Variants in C4orf50 observed in about 807,000 individuals in gnomAD.
C4orf50 encodes the protein uncharacterized protein C4orf50.
C4orf50 carries 80 observed loss-of-function variants against 77.2 expected under a neutral mutation model. That is an observed-to-expected ratio of 1.04 (90% CI 0.87 to 1.25). The LOEUF (loss-of-function observed/expected upper bound fraction) is 1.25. Ranked by LOEUF, C4orf50 falls within the 50% of genes most tolerant of loss-of-function variation. The probability of loss-of-function intolerance (pLI) is 0.00; values close to 1 mark genes in which losing one functional copy is unlikely to be tolerated. For synonymous variants in C4orf50, 532 were observed against 465.3 expected, an observed-to-expected ratio of 1.14 and a Z score of -1.84; for missense variants, 1,257 against 1,152.9, an observed-to-expected ratio of 1.09 and a Z score of -1.31.
At position 5,967,480 on chromosome 4, in the gene C4orf50, T is replaced by C; in HGVS notation, c.4105-18A>G. The C allele has an allele frequency of 6.2e-7, 1 of 1,612,662 alleles. No homozygotes were observed. The highest frequency in any genetic ancestry group is 8.5e-7 in the Non-Finnish European group (1 of 1,178,690). On this transcript the variant is annotated intron_variant, in intron 31 of 33. Coordinates refer to ENST00000531445, the Ensembl canonical transcript of C4orf50. ...TGGCTTGTCTGCAAGAAAAGACATC[T>C]TGGCGGTTATTCTGCATGGCACTGG... is the stretch of plus-strand genomic sequence containing the variant.
At chr4:5,986,479 T>C (rs1560583134) in intron 28 of C4orf50, among the ~76,000 whole-genome samples, 1 of 152,070 alleles carries the variant, frequency 6.6e-6, no homozygotes, top group Non-Finnish European at 1.5e-5. Flanking sequence ...TTGTTTTTAT[T>C]TCATCCTTTT....
At chr4:5,994,544 C>G (rs1721473318) in intron 25 of C4orf50, 68 bp from the exon 4 acceptor site, 3 of 398,624 alleles carry the variant, frequency 7.5e-6, no homozygotes. Flanking sequence ...CAAGCCCATC[C>G]CCAGGGGCCC....
intron 7 of C4orf50, among the ~76,000 whole-genome samples, chr4:5,920,361 G>C (rs1286157962): frequency 6.6e-6 from 1 of 152,134 alleles, no homozygotes; most frequent in Non-Finnish European, 1.5e-5. Context: ...GATGAAGTGA[G>C]TTGAGGTGTG....
chr4:5,945,531 TA>T (rs1293910197), intron 7 of C4orf50, among the ~76,000 whole-genome samples: 1 of 152,154 alleles, frequency 6.6e-6, no homozygotes, highest in Non-Finnish European at 1.5e-5. Flanking sequence ...ACATGGGATC[TA>T]ACAAGCAAAA....
Position 6,008,062 on chromosome 4 carries a change from G to A in C4orf50, c.897C>T (p.Leu299=). 1 of 399,260 alleles carries A rather than the reference G, an allele frequency of 2.5e-6. No individual in the cohort carries two copies. 24.7% of individuals were successfully genotyped at this position (399,260 alleles called of 1,614,324 possible). Residue 299 remains leucine (L), a synonymous_variant, in exon 25 of 34, where the codon CTC becomes CTT. Transcript: ENST00000531445. The surrounding 1 kb of genome is among the most constrained non-coding windows in gnomAD (Gnocchi z 6.0). The stretch of plus-strand genomic sequence containing the variant: ...CTCGCAGGCACTGGTTTTGCTGGGC[G>A]AGGTCCTCCACCTGGCCCTGCAGGC...
At chr4:5,971,345 C>G (rs2108772994) in intron 31 of C4orf50, among the ~76,000 whole-genome samples, 1 of 152,354 alleles carries the variant, frequency 6.6e-6, no homozygotes, top group Middle Eastern at 3.4e-3. Flanking sequence ...CTGCTGTCCA[C>G]TAGGAATCAA....
At chr4:5,951,366 G>T (rs1275083918) in intron 7 of C4orf50, among the ~76,000 whole-genome samples, 5 of 152,124 alleles carry the variant, frequency 3.3e-5, no homozygotes, top group African/African-American at 1.2e-4. Flanking sequence ...TGATTGTGAA[G>T]CAAGAGACAC....
chr4:5,951,780 C>T (rs1718734938), intron 7 of C4orf50, among the ~76,000 whole-genome samples: 1 of 152,158 alleles, frequency 6.6e-6, no homozygotes, highest in African/African-American at 2.4e-5. Flanking sequence ...CGTTCGCTCT[C>T]CGTCCGACCT....
rs114005127 is a variant in C4orf50, at chr4:5,975,953, A to G, written c.3867T>C (p.Leu1289=). The change falls in exon 30 of 34, where the codon CTT becomes CTC. Residue 1289 remains leucine (L), a splice_region_variant and synonymous_variant. Transcript: ENST00000531445. ...CATGTTGCTTTTTCTGAAGTTCTTC[A>G]AGCTGAAATAAAAGCGACATTTTTG... 188 of 1,613,682 alleles carry G rather than the reference A, an allele frequency of 1.2e-4. No homozygotes were observed. In the African/African-American group the frequency reaches 2.4e-3, roughly 20 times the overall value.
At chr4:5,994,580 T>C in intron 25 of C4orf50, 104 bp from the exon 4 acceptor site, 1 of 397,576 alleles carries the variant, frequency 2.5e-6, no homozygotes, top group Admixed American at 4.4e-5. Context: ...CTTGAGTCTC[T>C]TCCACAGGTG....
intron 7 of C4orf50, among the ~76,000 whole-genome samples, chr4:5,921,438 C>T (rs1314071091): frequency 6.6e-6 from 1 of 152,120 alleles, no homozygotes; most frequent in Non-Finnish European, 1.5e-5. Context: ...GACGGTGGCA[C>T]ATGTTATGTG....
In C4orf50 at chr4:6,008,256, C is replaced by T. The variant is rs1050188916; in HGVS notation, c.703G>A (p.Glu235Lys). ...AGGGCGCGCAGTTCCGCAGCCGCCT[C>T]GGTGGCGCCCTGGGAGCCTGGGGCC... Residue 235 changes from glutamate to lysine, a missense_variant, in exon 25 of 34, where the codon GAG becomes AAG. Coordinates refer to ENST00000531445, the Ensembl canonical transcript of C4orf50. The surrounding 1 kb of genome is among the most constrained non-coding windows in gnomAD (Gnocchi z 6.0). 2 of 393,968 alleles carry T rather than the reference C, an allele frequency of 5.1e-6. No homozygotes were observed. The highest frequency in any genetic ancestry group is 3.6e-5 in the East Asian group (1 of 27,728). 24.4% of individuals were successfully genotyped at this position (393,968 alleles called of 1,614,324 possible). A position where few individuals can be genotyped will look rare whatever the true frequency, so the allele number is the denominator to read the frequency against.
At chr4:6,014,159 C>T (rs1036144332) in intron 23 of C4orf50, among the ~76,000 whole-genome samples, 44 of 152,086 alleles carry the variant, frequency 2.9e-4, no homozygotes, top group African/African-American at 9.9e-4. Context: ...TGTGCCACCA[C>T]GCCTGGCTAA....
chr4:5,915,855 G>T (rs1441381467), intron 7 of C4orf50, among the ~76,000 whole-genome samples: 1 of 152,190 alleles, frequency 6.6e-6, no homozygotes, highest in East Asian at 1.9e-4. Context: ...GCTCAATCCA[G>T]GTTACTTCCC....
chr4:5,952,845 G>C (rs535551026), downstream of C4orf50, among the ~76,000 whole-genome samples: 4 of 152,146 alleles, frequency 2.6e-5, no homozygotes, highest in East Asian at 5.8e-4. The surrounding 1 kb of genome is among the most constrained non-coding windows in gnomAD (Gnocchi z 4.4). Context: ...CTCCAAGAAC[G>C]ACTCGTTTTG....
At chr4:5,954,597 C>T (rs545178073), downstream of C4orf50, among the ~76,000 whole-genome samples, 49 of 152,208 alleles carry the variant, frequency 3.2e-4, no homozygotes, top group African/African-American at 1.2e-3. This position sits in a 1 kb window ranked among gnomAD's most constrained non-coding sequence, Gnocchi z 4.7. Flanking sequence ...CGGCAGGCAG[C>T]GCATGGAGAG....
intron 7 of C4orf50, among the ~76,000 whole-genome samples, chr4:5,938,336 C>T (rs911354038): frequency 6.6e-6 from 1 of 152,080 alleles, no homozygotes; most frequent in Non-Finnish European, 1.5e-5. Context: ...ATCAAAGGGA[C>T]CATAACAGGA....
chr4:5,937,751 C>A (rs1236077896), intron 7 of C4orf50, among the ~76,000 whole-genome samples: 1 of 151,994 alleles, frequency 6.6e-6, no homozygotes, highest in Non-Finnish European at 1.5e-5. Flanking sequence ...GTGTACCAAG[C>A]AAATACTAGC....
At chr4:5,906,229 G>C (rs560562428) in intron 7 of C4orf50, among the ~76,000 whole-genome samples, 2 of 151,406 alleles carry the variant, frequency 1.3e-5, no homozygotes, top group African/African-American at 2.4e-5. Flanking sequence ...GGAGAGAAGT[G>C]GGGGGGCGGG....
Sources: allele counts gnomAD v4.1 joint callset (sites outside exome capture counted in the v4.1 genomes callset), GRCh38; gene constraint gnomAD v4.1.1; non-coding constraint Gnocchi (gnomAD v3.1); transcripts MANE v1.5; gene names NCBI Gene and HGNC (gene_info 2026-07-23, HGNC 2026-07-21).